NRG3: variants seen among roughly 807,000 people sequenced by gnomAD.
The protein encoded by NRG3 is pro-neuregulin-3, membrane-bound isoform.
In NRG3, 31 loss-of-function variants were observed where a neutral mutation model predicts 66.9. The ratio of observed to expected loss-of-function variants is 0.46; its 90% CI spans 0.35 to 0.63. The LOEUF is 0.63. NRG3 is among the 20% of genes least tolerant of loss of function. The pLI, the probability that NRG3 is intolerant of heterozygous loss-of-function variation, is 0.00. For synonymous variants in NRG3, 393 were observed against 359.4 expected, an observed-to-expected ratio of 1.09 and a Z score of -1.06; for missense variants, 910 against 878.9, an observed-to-expected ratio of 1.04 and a Z score of -0.45.
intron 2 of NRG3, among the ~76,000 whole-genome samples, chr10:82,707,397 C>T (rs1266049565): frequency 2.0e-5 from 3 of 151,790 alleles, no homozygotes; most frequent in African/African-American, 7.3e-5. Flanking sequence ...GTCTTGCTCT[C>T]TTTCCCAGGC....
chr10:82,501,119 G>A (rs547385865), intron 2 of NRG3, among the ~76,000 whole-genome samples: 9 of 152,208 alleles, frequency 5.9e-5, no homozygotes, highest in African/African-American at 2.2e-4. Context: ...ACTATATGGA[G>A]CTGGTGAGAG....
chr10:82,344,230 C>T (rs1257509534), intron 1 of NRG3, among the ~76,000 whole-genome samples: 2 of 150,374 alleles, frequency 1.3e-5, no homozygotes, highest in South Asian at 2.1e-4. Context: ...CACCCCACAA[C>T]AGTCCCCAGA....
At chr10:82,705,706 C>T (rs1314936937) in intron 2 of NRG3, among the ~76,000 whole-genome samples, 1 of 152,138 alleles carries the variant, frequency 6.6e-6, no homozygotes, top group African/African-American at 2.4e-5. Flanking sequence ...TTACCATCTA[C>T]ATGAAGGAGG....
In NRG3 at chr10:82,751,000, C is replaced by T. The variant is rs77337219; in HGVS notation, c.1027+12350C>T. 7.7e-3 allele frequency among the ~76,000 whole-genome samples: 1,168 copies of T among 152,112 alleles called. 9 individuals are homozygous for T. Among genetic ancestry groups the T allele is most frequent in the African/African-American group, 0.019 (783 of 41,506 alleles). ...CATTGCATTAAGCAAAGCAGTCCAC[C>T]GTATATAACCTAATTCTTGTACATG... On this transcript the variant is annotated intron_variant, in intron 3 of 8. Coordinates refer to ENST00000372141, the MANE Select transcript of NRG3 (RefSeq NM_001010848.4).
chr10:82,867,216 G>A (rs1840841339), intron 4 of NRG3, among the ~76,000 whole-genome samples: 1 of 152,150 alleles, frequency 6.6e-6, no homozygotes, highest in Admixed American at 6.5e-5. Context: ...TATTCAAGTA[G>A]TGAATTAGAG....
At chr10:82,403,790 C>T (rs1277132286) in intron 2 of NRG3, among the ~76,000 whole-genome samples, 1 of 152,188 alleles carries the variant, frequency 6.6e-6, no homozygotes, top group Non-Finnish European at 1.5e-5. Flanking sequence ...TTTATCAGAC[C>T]TGCCTTCTGG....
At chr10:82,774,676 T>A (rs888186997) in intron 3 of NRG3, among the ~76,000 whole-genome samples, 9 of 151,896 alleles carry the variant, frequency 5.9e-5, no homozygotes, top group Non-Finnish European at 1.3e-4. Context: ...TTTCTTAGTC[T>A]AGTTAGATGT....
At chr10:82,584,288 G>A (rs959849999) in intron 2 of NRG3, among the ~76,000 whole-genome samples, 16 of 152,046 alleles carry the variant, frequency 1.1e-4, no homozygotes, top group African/African-American at 3.6e-4. Flanking sequence ...GTTTCATCTT[G>A]TTGGCCATGC....
chr10:82,269,849 C>A (rs1271782386), intron 1 of NRG3, among the ~76,000 whole-genome samples: 4 of 152,066 alleles, frequency 2.6e-5, no homozygotes, highest in African/African-American at 9.7e-5. Flanking sequence ...GTCCAAGGAC[C>A]ACACTTTGAA....
chr10:82,916,092 C>T (rs1337240932), intron 4 of NRG3, among the ~76,000 whole-genome samples: 1 of 152,072 alleles, frequency 6.6e-6, no homozygotes, highest in Non-Finnish European at 1.5e-5. Context: ...TAAAAGAACA[C>T]TATTGATATC....
At chr10:82,713,119 CAAAAAAAAAAAAAAA>C (rs369968319) in intron 2 of NRG3, among the ~76,000 whole-genome samples, 1,483 of 55,402 alleles carry the variant, frequency 0.027, 43 homozygotes, top group African/African-American at 0.1. Context: ...GACTTCATCT[CAAAAAAAAAAAAAAA>C]AAAAAAAAAA....
chr10:82,647,714 G>C (rs1043134373), intron 2 of NRG3, among the ~76,000 whole-genome samples: 2 of 151,994 alleles, frequency 1.3e-5, no homozygotes, highest in South Asian at 2.1e-4. Flanking sequence ...GTGTGAGATG[G>C]TATCTCATTG....
chr10:81,918,974 A>ACAC (rs1554855034), intron 1 of NRG3, among the ~76,000 whole-genome samples: 58 of 150,150 alleles, frequency 3.9e-4, no homozygotes, highest in African/African-American at 8.6e-4. Flanking sequence ...ATCATAACAA[A>ACAC]ACACACACAC....
chr10:82,595,134 A>G (rs1167458299), intron 2 of NRG3, among the ~76,000 whole-genome samples: 1 of 151,964 alleles, frequency 6.6e-6, no homozygotes, highest in East Asian at 1.9e-4. Flanking sequence ...TTTATTTCTC[A>G]TGATTCCAAA....
rs549774797 is a variant in NRG3, at chr10:82,405,682, G to A, written c.953+46814G>A. On this transcript the variant is annotated intron_variant, in intron 2 of 8. Coordinates refer to ENST00000372141, the MANE Select transcript of NRG3 (RefSeq NM_001010848.4). ...GGAATTTTGCCATGTCGGCCAGACTGGTCTCAAACTTCTGACCTCAGGTGA... is the reference window on the plus strand; with the variant it reads ...GGAATTTTGCCATGTCGGCCAGACTAGTCTCAAACTTCTGACCTCAGGTGA... 9.2e-5 allele frequency among the ~76,000 whole-genome samples: 14 copies of A among 152,190 alleles called. No homozygotes were observed. The East Asian group carries it at 2.7e-3, about 30-fold the overall frequency.
chr10:82,051,288 C>T (rs2063579187), intron 1 of NRG3, among the ~76,000 whole-genome samples: 1 of 151,464 alleles, frequency 6.6e-6, no homozygotes, highest in African/African-American at 2.4e-5. Flanking sequence ...ACTCAGGAAA[C>T]CAGAGGACTA....
At chr10:82,635,530 T>G (rs960470588) in intron 2 of NRG3, among the ~76,000 whole-genome samples, 1 of 152,068 alleles carries the variant, frequency 6.6e-6, no homozygotes, top group Non-Finnish European at 1.5e-5. Flanking sequence ...GGTCTTACTT[T>G]TGGAGGGGAA....
chr10:81,876,220 C>T (rs1320243161), intron 1 of NRG3, 57 bp downstream of exon 1: 3 of 1,510,922 alleles, frequency 2.0e-6, no homozygotes, highest in Non-Finnish European at 2.7e-6. Context: ...TTCTGCCCTC[C>T]TGCTGTCTTT....
chr10:81,933,132 A>G (rs1847545273), intron 1 of NRG3, among the ~76,000 whole-genome samples: 1 of 151,658 alleles, frequency 6.6e-6, no homozygotes, highest in Non-Finnish European at 1.5e-5. Context: ...AAAAGAAAAG[A>G]AAAAAAGAAA....
Sources: gnomAD v4.1 joint callset for allele counts (sites outside exome capture counted in the v4.1 genomes callset) on GRCh38, gnomAD v4.1.1 for gene constraint, MANE v1.5 for transcripts, NCBI Gene and HGNC (gene_info 2026-07-23, HGNC 2026-07-21) for gene names.